The following SMTN variants were observed in gnomAD, a reference collection of about 807,000 sequenced individuals.
SMTN encodes smoothelin.
In SMTN, 58 loss-of-function variants were observed where a neutral mutation model predicts 102.0. That is an observed-to-expected ratio of 0.57 (90% CI 0.46 to 0.71). The LOEUF (loss-of-function observed/expected upper bound fraction) is 0.71. SMTN is among the 30% of genes least tolerant of loss of function. The pLI, the probability that SMTN is intolerant of heterozygous loss-of-function variation, is 0.00. For missense variants in SMTN, 1,185 were observed against 1,241.7 expected (o/e 0.95, Z 0.69); for synonymous variants, 478 against 497.9 (o/e 0.96, Z 0.53).
chr22:31,084,993 C>A, intron 2 of SMTN: 1 of 1,478,284 alleles, frequency 6.8e-7, no homozygotes, highest in Non-Finnish European at 9.0e-7. Context: ...CGCCCTGCGC[C>A]CCAGCGTCTG....
At chr22:31,093,470 G>T (rs1274622150) in intron 11 of SMTN, 2 of 607,668 alleles carry the variant, frequency 3.3e-6, no homozygotes, top group Non-Finnish European at 6.2e-6. Context: ...CCAGGGCCTG[G>T]GCCTGAGCTG....
At chr22:31,081,040 C>T (rs2042269266), upstream of SMTN, among the ~76,000 whole-genome samples, 1 of 152,092 alleles carries the variant, frequency 6.6e-6, no homozygotes. Flanking sequence ...AAACTTACCT[C>T]GGCTCGGGGC....
intron 1 of SMTN, among the ~76,000 whole-genome samples, chr22:31,075,303 G>A (rs993729514): frequency 3.9e-5 from 6 of 152,170 alleles, no homozygotes; most frequent in African/African-American, 1.4e-4. Flanking sequence ...TTAGCAGAGT[G>A]CCAAGGAGGG....
chr22:31,090,151 C>T lies in SMTN; in HGVS notation c.836C>T (p.Thr279Ile), dbSNP rs1157197795. The T allele has an allele frequency of 1.2e-6, 2 of 1,612,030 alleles. No homozygotes were observed. The highest frequency in any genetic ancestry group is 2.2e-5 in the East Asian group (1 of 44,880). Reference protein sequence around the residue: ...PKETPAAQSPTRGPSDTKRAD... With the variant: ...PKETPAAQSPIRGPSDTKRAD... The stretch of plus-strand genomic sequence containing the variant: ...GAGACCCCTGCTGCCCAGAGCCCCA[C>T]CAGAGGCCCCTCTGACACCAAGAGA... Residue 279 changes from threonine (T) to isoleucine (I), a missense_variant, in exon 8 of 21, where the codon ACC (threonine) becomes ATC (isoleucine). Thr to Ile is a moderately conservative substitution (Grantham distance 89). Coordinates refer to ENST00000333137, the MANE Select transcript of SMTN (RefSeq NM_134269.3).
rs2043529587 is a variant in SMTN at position 31,095,674 on chromosome 22, C to T, written c.1861+65C>T. ...ATTCCCCAGCTGCTCCCCTCATACT[C>T]TGGGGTCCATTTGTGGACACCCCAG... On this transcript the variant is annotated intron_variant, in intron 13 of 20. Transcript: ENST00000333137. This position sits in a 1 kb window ranked among gnomAD's most constrained non-coding sequence, Gnocchi z 4.1. 2 of 1,439,978 alleles carry T rather than the reference C, an allele frequency of 1.4e-6. No individual in the cohort carries two copies. Among genetic ancestry groups the T allele is most frequent in the African/African-American group, 2.8e-5 (2 of 71,152 alleles). 89.2% of individuals were successfully genotyped at this position (1,439,978 alleles called of 1,614,324 possible).
intron 1 of SMTN, chr22:31,067,884 C>T (rs1487314045): frequency 1.3e-5 from 2 of 151,902 alleles, no homozygotes; most frequent in African/African-American, 4.8e-5. Context: ...AGGACCAAGT[C>T]CTGGCTGGGC....
chr22:31,074,565 G>A (rs1223181551), intron 1 of SMTN, among the ~76,000 whole-genome samples: 6 of 152,172 alleles, frequency 3.9e-5, no homozygotes, highest in Admixed American at 6.5e-5. Flanking sequence ...CAAGAAGGGC[G>A]GATCACCTGA....
chr22:31,087,615 C>T (rs1035880984), intron 2 of SMTN, among the ~76,000 whole-genome samples: 1 of 152,232 alleles, frequency 6.6e-6, no homozygotes, highest in Non-Finnish European at 1.5e-5. Flanking sequence ...CCTCCCTCCT[C>T]CTCCTACAAT....
chr22:31,085,114 C>T (rs2042584904), intron 2 of SMTN: 3 of 1,535,326 alleles, frequency 2.0e-6, no homozygotes, highest in Non-Finnish European at 2.6e-6. Flanking sequence ...ACGCCGCGTG[C>T]CCCTCCACCA....
chr22:31,091,194 T>TCCC lies in SMTN; in HGVS notation c.1172_1174dup (p.Ser391_Arg392insPro). ...CTCTCGGGGCCCCAGTGATACCTCC[T>TCCC]CCCGGTTCAGCAAGGAGCAACGAGG... On this transcript the variant is annotated inframe_insertion, in exon 10 of 21. Transcript: ENST00000333137. The TCCC allele has an allele frequency of 6.2e-7, 1 of 1,612,946 alleles. No homozygotes were observed.
chr22:31,088,199 A>T, intron 3 of SMTN, 86 bp downstream of exon 3: 2 of 1,413,674 alleles, frequency 1.4e-6, no homozygotes, highest in Non-Finnish European at 1.9e-6. Flanking sequence ...CGTGAGCACA[A>T]GTGTATCTGT....
rs752375537 is a variant in SMTN at position 31,091,789 on chromosome 22, C to T, written c.1574C>T (p.Thr525Ile). 9.3e-6 allele frequency: 15 copies of T among 1,608,920 alleles called. No individual in the cohort carries two copies. The South Asian group carries it at 1.4e-4, about 15-fold the overall frequency. The change falls in exon 11 of 21, where the codon ACT becomes ATT. Residue 525 changes from threonine (T) to isoleucine (I), a missense_variant. Physicochemically the swap from Thr to Ile is moderately conservative, Grantham distance 89. This residue lies in a region of SMTN where 1,096 missense variants were observed against 1,112.7 expected (regional missense o/e 0.98). Transcript: ENST00000333137. The part of the protein sequence containing the change: ...PGTLARLGSV[T>I]HVTSFSHAPP... ...ACCCTGGCTCGGCTGGGCAGTGTCA[C>T]TCATGTCACCAGCTTCAGCCATGCC...
intron 2 of SMTN, among the ~76,000 whole-genome samples, chr22:31,086,432 G>A (rs963353521): frequency 6.6e-6 from 1 of 152,164 alleles, no homozygotes; most frequent in Admixed American, 6.5e-5. Context: ...AGGACAAGTA[G>A]GGGGCTCAGC....
chr22:31,091,815 C>G lies in SMTN; in HGVS notation c.1600C>G (p.Pro534Ala), dbSNP rs41282557. The G allele has an allele frequency of 6.2e-6, 10 of 1,602,802 alleles. No individual in the cohort carries two copies. The highest frequency in any genetic ancestry group is 5.1e-5 in the Admixed American group (3 of 59,336). ...TCATGTCACCAGCTTCAGCCATGCC[C>G]CCCCCAGTAGCCGAGGAGGCTGCAG... ...VTHVTSFSHA[P>A]PSSRGGCSIK... Residue 534 changes from proline (P) to alanine (A), a missense_variant, in exon 11 of 21, where the codon CCC becomes GCC. Around this residue, in one of 2 missense-constraint regions of SMTN, gnomAD observed 1,096 missense variants for 1,112.7 expected, o/e 0.98. Transcript: ENST00000333137.
In SMTN at chr22:31,091,489, G is replaced by GC. The variant is rs752166492; in HGVS notation, c.1459+13dup. On this transcript the variant is annotated splice_region_variant and intron_variant, in intron 10 of 20. Transcript: ENST00000333137. The stretch of plus-strand genomic sequence containing the variant: ...ACAGGCAACCAGAGGGCAGGTAGGC[G>GC]CCCCCCACTGCCTCCCCAATGGGGA... The GC allele has an allele frequency of 3.3e-6, 5 of 1,517,462 alleles. No homozygotes were observed. Among genetic ancestry groups the GC allele is most frequent in the Non-Finnish European group, 2.6e-6 (3 of 1,136,546 alleles). The allele number at this position is 1,517,462 out of a possible 1,614,324, so 94.0% of individuals were successfully genotyped here.
chr22:31,079,950 C>T (rs904451528), upstream of SMTN, among the ~76,000 whole-genome samples: 10 of 152,078 alleles, frequency 6.6e-5, no homozygotes, highest in African/African-American at 2.2e-4. Context: ...TTAGTAGAGA[C>T]GGGGTTTTTG....
At chr22:31,096,937 G>A in intron 14 of SMTN, 40 bp downstream of exon 14, 1 of 1,612,922 alleles carries the variant, frequency 6.2e-7, no homozygotes, top group Non-Finnish European at 8.5e-7. Flanking sequence ...CTCAGGGTGG[G>A]AACACATCCT....
intron 2 of SMTN, among the ~76,000 whole-genome samples, chr22:31,085,592 G>A (rs2042634911): frequency 6.6e-6 from 1 of 152,324 alleles, no homozygotes; most frequent in South Asian, 2.1e-4. Context: ...GGGCAGTTTC[G>A]GAAACCGCCC....
At chr22:31,090,546 C>T (rs1182148509) in intron 8 of SMTN, among the ~76,000 whole-genome samples, 1 of 152,036 alleles carries the variant, frequency 6.6e-6, no homozygotes, top group Non-Finnish European at 1.5e-5. Context: ...GCCTAAGCCT[C>T]GCCTGGCCCC....
Sources: gnomAD v4.1 joint callset for allele counts (sites outside exome capture counted in the v4.1 genomes callset) on GRCh38, gnomAD v4.1.1 for gene constraint, gnomAD v4.1.1 regional missense constraint, Gnocchi (gnomAD v3.1) non-coding constraint, MANE v1.5 for transcripts, NCBI Gene and HGNC (gene_info 2026-07-23, HGNC 2026-07-21) for gene names.